CACNA2D1: variants seen among roughly 807,000 people sequenced by gnomAD.
The protein encoded by CACNA2D1 is voltage-dependent calcium channel subunit alpha-2/delta-1.
Under a neutral mutation model 171.5 loss-of-function variants are expected in CACNA2D1, and 53 were observed. The ratio of observed to expected loss-of-function variants is 0.31; its 90% CI spans 0.25 to 0.39. The LOEUF (loss-of-function observed/expected upper bound fraction) is 0.39. Ranked by LOEUF, CACNA2D1 falls within the 10% of genes least tolerant of loss-of-function variation. The pLI is 1.00. For missense variants in CACNA2D1, 903 were observed against 1,299.8 expected (o/e 0.69, Z 4.69); for synonymous variants, 442 against 443.1 (o/e 1.00, Z 0.03).
At chr7:82,159,436 T>C (rs1295103113) in intron 4 of CACNA2D1, among the ~76,000 whole-genome samples, 1 of 151,812 alleles carries the variant, frequency 6.6e-6, no homozygotes. Context: ...CTTCCCTATA[T>C]TCCATCAAAT....
chr7:82,410,568 T>C, intron 1 of CACNA2D1: 1 of 975,878 alleles, frequency 1.0e-6, no homozygotes. Flanking sequence ...GGTGGCTGGC[T>C]TGCGACACTT....
intron 3 of CACNA2D1, among the ~76,000 whole-genome samples, chr7:82,323,889 T>G (rs982539038): frequency 1.3e-5 from 2 of 152,178 alleles, no homozygotes; most frequent in Admixed American, 1.3e-4. Flanking sequence ...GTCTGAACCT[T>G]CCATTAAATA....
intron 3 of CACNA2D1, among the ~76,000 whole-genome samples, chr7:82,272,082 T>G (rs936066129): frequency 6.6e-5 from 10 of 152,178 alleles, no homozygotes; most frequent in African/African-American, 2.4e-4. Context: ...ATGAGTAATT[T>G]ATGAGAGAAA....
At chr7:82,435,784 TAGA>T (rs2129459359) in intron 1 of CACNA2D1, among the ~76,000 whole-genome samples, 1 of 152,234 alleles carries the variant, frequency 6.6e-6, no homozygotes, top group Admixed American at 6.5e-5. Flanking sequence ...CAACACAGGA[TAGA>T]AGACCAAATT....
At chr7:82,093,607 GAA>G (rs903618807) in intron 6 of CACNA2D1, among the ~76,000 whole-genome samples, 4 of 151,940 alleles carry the variant, frequency 2.6e-5, no homozygotes, top group Non-Finnish European at 5.9e-5. Context: ...ATGGCAAACT[GAA>G]AAAAGATTTT....
chr7:82,020,510 T>A (rs1219233428), intron 12 of CACNA2D1, among the ~76,000 whole-genome samples: 1 of 152,106 alleles, frequency 6.6e-6, no homozygotes, highest in African/African-American at 2.4e-5. Flanking sequence ...TATATGGAAA[T>A]TGTAAGCTCT....
chr7:82,175,195 G>A (rs1472171555), intron 3 of CACNA2D1, among the ~76,000 whole-genome samples: 1 of 151,412 alleles, frequency 6.6e-6, no homozygotes, highest in East Asian at 1.9e-4. Context: ...AAATCATCAG[G>A]GATCATATAA....
chr7:81,998,175 A>G (rs1016863623), intron 18 of CACNA2D1, among the ~76,000 whole-genome samples: 23 of 152,032 alleles, frequency 1.5e-4, no homozygotes, highest in Non-Finnish European at 1.5e-5. Context: ...ATGTCATACT[A>G]AAATTTCAAA....
chr7:82,123,729 A>T (rs1458640258), intron 5 of CACNA2D1, among the ~76,000 whole-genome samples: 1 of 152,158 alleles, frequency 6.6e-6, no homozygotes, highest in Non-Finnish European at 1.5e-5. Flanking sequence ...AAGCTCATTA[A>T]ATTTTACTTG....
At chr7:82,376,220 C>T (rs917188) in intron 1 of CACNA2D1, among the ~76,000 whole-genome samples, 20,684 of 152,146 alleles carry the variant, frequency 0.14, 1,721 homozygotes, top group South Asian at 0.26. Context: ...TCCGTCTTGC[C>T]ATATGACTAA....
intron 1 of CACNA2D1, among the ~76,000 whole-genome samples, chr7:82,388,061 CCA>C (rs1824620159): frequency 7.2e-6 from 1 of 139,290 alleles, no homozygotes. Flanking sequence ...GACCCTGTCT[CCA>C]AAAAAAAAAA....
At chr7:82,181,954 T>C (rs903017158) in intron 3 of CACNA2D1, among the ~76,000 whole-genome samples, 25 of 152,214 alleles carry the variant, frequency 1.6e-4, no homozygotes, top group African/African-American at 5.5e-4. Context: ...TATTAAATCC[T>C]CAATAAAATG....
At chr7:81,953,899 G>T (rs1474463443) in intron 38 of CACNA2D1, among the ~76,000 whole-genome samples, 4 of 151,804 alleles carry the variant, frequency 2.6e-5, no homozygotes, top group Non-Finnish European at 5.9e-5. Context: ...TATAATTTTT[G>T]TTTAATTTCC....
chr7:82,357,742 A>G (rs1313713744), intron 1 of CACNA2D1, among the ~76,000 whole-genome samples: 2 of 151,434 alleles, frequency 1.3e-5, no homozygotes, highest in Admixed American at 6.6e-5. Flanking sequence ...GGATAGCATT[A>G]GGAGATATAC....
intron 2 of CACNA2D1, among the ~76,000 whole-genome samples, chr7:82,336,805 T>G (rs1340412743): frequency 6.6e-6 from 1 of 152,174 alleles, no homozygotes; most frequent in African/African-American, 2.4e-5. Context: ...GGATATGTAG[T>G]TCTTTGCAGT....
In CACNA2D1 at chr7:81,959,763, T is replaced by C. The variant is rs1300446703; in HGVS notation, c.3033A>G (p.Thr1011=). 2 of 1,612,850 alleles carry C rather than the reference T, an allele frequency of 1.2e-6. No individual in the cohort carries two copies. The highest frequency in any genetic ancestry group is 1.7e-5 in the Admixed American group (1 of 59,880). ...LIFIMVESKG[T]CPCDTRLLIQ... is the part of the protein sequence containing the mutation. Reference sequence around the variant, plus strand: ...TGAGCAGTCGTGTGTCACATGGACATGTCCCTTTGCTCTCAACCATTATGA... The same window carrying C: ...TGAGCAGTCGTGTGTCACATGGACACGTCCCTTTGCTCTCAACCATTATGA... Residue 1011 remains threonine, a synonymous_variant, in exon 37 of 39, where the codon ACA becomes ACG. Transcript: ENST00000356860.
intron 3 of CACNA2D1, among the ~76,000 whole-genome samples, chr7:82,256,761 T>A (rs1465507230): frequency 6.6e-6 from 1 of 152,196 alleles, no homozygotes; most frequent in African/African-American, 2.4e-5. Context: ...GCTATCATAT[T>A]CTGACAAAAG....
intron 1 of CACNA2D1, among the ~76,000 whole-genome samples, chr7:82,411,803 A>C (rs1827697485): frequency 6.6e-6 from 1 of 151,990 alleles, no homozygotes; most frequent in African/African-American, 2.4e-5. Context: ...GGACATGTCT[A>C]AATTTGCTGA....
At chr7:82,434,712 G>A (rs959948471) in intron 1 of CACNA2D1, among the ~76,000 whole-genome samples, 5 of 151,994 alleles carry the variant, frequency 3.3e-5, no homozygotes, top group Admixed American at 2.6e-4. Flanking sequence ...TCATGTCACC[G>A]AATTCCTGGA....
Sources: allele counts gnomAD v4.1 joint callset (sites outside exome capture counted in the v4.1 genomes callset), GRCh38; gene constraint gnomAD v4.1.1; transcripts MANE v1.5; gene names NCBI Gene and HGNC (gene_info 2026-07-23, HGNC 2026-07-21).